The following ODF2L variants were observed in gnomAD, a reference collection of about 807,000 sequenced individuals.
ODF2L encodes protein BCAP.
In ODF2L, 76 loss-of-function variants were observed where a neutral mutation model predicts 86.3. That is an observed-to-expected ratio of 0.88 (90% CI 0.73 to 1.07). The LOEUF (loss-of-function observed/expected upper bound fraction) is 1.07, where lower values mean the gene tolerates loss of function less well. ODF2L is among the 50% of genes least tolerant of loss of function. The probability of loss-of-function intolerance (pLI) is 0.00; values close to 1 mark genes in which losing one functional copy is unlikely to be tolerated. For synonymous variants in ODF2L, 241 were observed against 231.3 expected, an observed-to-expected ratio of 1.04 and a Z score of -0.38; for missense variants, 748 against 717.4, an observed-to-expected ratio of 1.04 and a Z score of -0.49.
rs78395160 is a variant in ODF2L, at chr1:86,362,744, C to T, written c.1144-2208G>A. 0.011 allele frequency among the ~76,000 whole-genome samples: 1,705 copies of T among 152,292 alleles called. 67 individuals carry two copies. In the East Asian group the frequency reaches 0.12, roughly 10 times the overall value. Reference sequence around the variant, plus strand: ...GTGTGATCTGGGTTCACTGCAGCCTCTGCCTCCTGGGTTCAAGCGATTCTC... The same window carrying T: ...GTGTGATCTGGGTTCACTGCAGCCTTTGCCTCCTGGGTTCAAGCGATTCTC... On this transcript the variant is annotated intron_variant, in intron 11 of 17. Transcript: ENST00000317336.
At chr1:86,370,965 T>C in intron 10 of ODF2L, 53 bp downstream of exon 10, 2 of 1,195,618 alleles carry the variant, frequency 1.7e-6, no homozygotes, top group Non-Finnish European at 2.2e-6. Flanking sequence ...TTCTACTAAG[T>C]AGACTATGGT....
chr1:86,371,008 T>C lies in ODF2L; in HGVS notation c.1056+10A>G. 2 of 1,548,022 alleles carry C rather than the reference T, an allele frequency of 1.3e-6. No individual in the cohort carries two copies. Among genetic ancestry groups the C allele is most frequent in the Non-Finnish European group, 1.7e-6 (2 of 1,147,526 alleles). ...CAATACATGCCTGCTCAAACACTCA[T>C]ACATAGTACCTTTAATTTTGTATTC... On this transcript the variant is annotated intron_variant, in intron 10 of 17. Coordinates refer to ENST00000317336, the Ensembl canonical transcript of ODF2L.
At chr1:86,382,851 G>A (rs1660682212) in intron 6 of ODF2L, 80 bp downstream of exon 6, 1 of 735,778 alleles carries the variant, frequency 1.4e-6, no homozygotes. Context: ...TATTTCTGAG[G>A]AGTTGGGGCC....
At chr1:86,346,900 T>A (rs1484671050), downstream of ODF2L, 3 of 152,096 alleles carry the variant, frequency 2.0e-5, no homozygotes, top group Non-Finnish European at 4.4e-5. Flanking sequence ...ATGGTGAGAG[T>A]TAAGAGCAGA....
intron 11 of ODF2L, among the ~76,000 whole-genome samples, chr1:86,361,861 CTA>C (rs1659057921): frequency 6.6e-6 from 1 of 152,104 alleles, no homozygotes; most frequent in Non-Finnish European, 1.5e-5. Flanking sequence ...ACTGAAGGTT[CTA>C]TTAGTGAACA....
At chr1:86,373,640 G>GA (rs1172796379) in intron 8 of ODF2L, among the ~76,000 whole-genome samples, 1 of 151,962 alleles carries the variant, frequency 6.6e-6, no homozygotes, top group Non-Finnish European at 1.5e-5. Context: ...TCTATAGAGA[G>GA]AAGATGGTAA....
downstream of ODF2L, chr1:86,348,785 A>G: frequency 6.5e-7 from 1 of 1,531,984 alleles, no homozygotes; most frequent in South Asian, 1.4e-5. Flanking sequence ...GTTTTAAGAA[A>G]CTGTAAATAA....
intron 17 of ODF2L, 79 bp downstream of exon 16, chr1:86,352,780 T>TCA: frequency 1.2e-6 from 1 of 824,364 alleles, no homozygotes; most frequent in Non-Finnish European, 1.9e-6. Context: ...TAGACTTGAT[T>TCA]CACTCACTTT....
chr1:86,387,632 C>G (rs780898672), intron 1 of ODF2L, among the ~76,000 whole-genome samples: 1 of 152,124 alleles, frequency 6.6e-6, no homozygotes, highest in Non-Finnish European at 1.5e-5. Flanking sequence ...AAAGACCAGA[C>G]AGATGACATT....
chr1:86,355,143 A>G, intron 14 of ODF2L: 1 of 539,294 alleles, frequency 1.9e-6, no homozygotes, highest in East Asian at 3.0e-5. Flanking sequence ...TTGAAGAAAG[A>G]TATTTATTTT....
chr1:86,368,659 G>C (rs1014694231), exon 11 of ODF2L: 1 of 1,445,140 alleles, frequency 6.9e-7, no homozygotes, highest in Non-Finnish European at 9.2e-7. Context: ...ATGTAGCAAA[G>C]CATATCAAGA....
chr1:86,348,206 T>G (rs543449900), downstream of ODF2L: 1 of 152,244 alleles, frequency 6.6e-6, no homozygotes, highest in South Asian at 2.1e-4. Flanking sequence ...GATTTAAAAT[T>G]GTATACTTAA....
intron 2 of ODF2L, 85 bp downstream of exon 2, chr1:86,386,830 T>C (rs948847772): frequency 1.5e-6 from 1 of 679,134 alleles, no homozygotes; most frequent in African/African-American, 1.9e-5. Context: ...GAATGCTGTA[T>C]TTGATTCAAA....
chr1:86,387,219 C>T (rs1183006808), intron 1 of ODF2L, 133 bp from the exon 2 acceptor site: 3 of 436,716 alleles, frequency 6.9e-6, no homozygotes, highest in African/African-American at 4.1e-5. Context: ...ATAACTGCTA[C>T]TCATTGTTAT....
exon 7 of ODF2L, chr1:86,382,342 G>T: frequency 6.2e-7 from 1 of 1,611,184 alleles, no homozygotes. Flanking sequence ...AAAACGGTTT[G>T]CTTTCAAAGT....
chr1:86,385,423 C>A, intron 3 of ODF2L, 35 bp downstream of exon 3: 2 of 1,338,616 alleles, frequency 1.5e-6, no homozygotes, highest in Non-Finnish European at 1.1e-6. Context: ...ATTATACTAG[C>A]TTTTCATTTT....
intron 11 of ODF2L, chr1:86,360,740 G>T: frequency 3.1e-6 from 1 of 326,210 alleles, no homozygotes. Context: ...ATTTACACAG[G>T]ACATATTATT....
At chr1:86,376,555 G>A (rs1660189308) in intron 7 of ODF2L, 137 bp from the exon 8 acceptor site, 3 of 494,972 alleles carry the variant, frequency 6.1e-6, no homozygotes, top group South Asian at 9.9e-5. Flanking sequence ...ACCCTAGACT[G>A]AGTAATTTAT....
At chr1:86,354,204 T>A (rs547783060) in intron 16 of ODF2L, among the ~76,000 whole-genome samples, 1 of 152,362 alleles carries the variant, frequency 6.6e-6, no homozygotes, top group South Asian at 2.1e-4. Context: ...TACAGCTCAC[T>A]GAATCCTGAT....
Sources: allele counts gnomAD v4.1 joint callset (sites outside exome capture counted in the v4.1 genomes callset), GRCh38; gene constraint gnomAD v4.1.1; transcripts MANE v1.5; gene names NCBI Gene and HGNC (gene_info 2026-07-23, HGNC 2026-07-21).